The following PDE7B variants were observed in gnomAD, a reference collection of about 807,000 sequenced individuals.
PDE7B encodes the protein 3',5'-cyclic-AMP phosphodiesterase 7B.
In PDE7B, 29 loss-of-function variants were observed where a neutral mutation model predicts 56.2. The ratio of observed to expected loss-of-function variants is 0.52; its 90% CI spans 0.38 to 0.70. The LOEUF (loss-of-function observed/expected upper bound fraction) is 0.70, where lower values mean the gene tolerates loss of function less well. Ranked by LOEUF, PDE7B falls within the 30% of genes least tolerant of loss-of-function variation. The pLI, the probability that PDE7B is intolerant of heterozygous loss-of-function variation, is 0.00. For synonymous variants in PDE7B, 197 were observed against 196.9 expected, an observed-to-expected ratio of 1.00 and a Z score of 0.00; for missense variants, 490 against 565.0, an observed-to-expected ratio of 0.87 and a Z score of 1.35.
chr6:136,089,915 A>C (rs148425272), intron 2 of PDE7B, among the ~76,000 whole-genome samples: 90 of 152,156 alleles, frequency 5.9e-4, no homozygotes, highest in Middle Eastern at 3.4e-3. Context: ...ATTTTGTAGG[A>C]GCTACCATAT....
chr6:136,130,966 TC>T (rs1485965342), intron 3 of PDE7B, among the ~76,000 whole-genome samples: 1 of 152,076 alleles, frequency 6.6e-6, no homozygotes, highest in African/African-American at 2.4e-5. Flanking sequence ...TTCAATTATC[TC>T]CCACCGGGTC....
At chr6:135,932,979 C>T (rs1194912556) in intron 1 of PDE7B, among the ~76,000 whole-genome samples, 1 of 152,156 alleles carries the variant, frequency 6.6e-6, no homozygotes, top group Admixed American at 6.5e-5. Flanking sequence ...GTATGCACTC[C>T]CTGTGTTCTG....
chr6:135,967,006 A>G (rs1775006862), intron 2 of PDE7B, among the ~76,000 whole-genome samples: 1 of 152,146 alleles, frequency 6.6e-6, no homozygotes, highest in Admixed American at 6.6e-5. Flanking sequence ...CAAGAGAATG[A>G]AACAGGACTG....
At chr6:136,128,053 A>C (rs1213380035) in intron 3 of PDE7B, among the ~76,000 whole-genome samples, 3 of 152,224 alleles carry the variant, frequency 2.0e-5, no homozygotes, top group Non-Finnish European at 4.4e-5. Context: ...TCAAGAGGGC[A>C]GACTGCCACT....
intron 1 of PDE7B, among the ~76,000 whole-genome samples, chr6:135,863,643 G>A (rs1438199916): frequency 6.6e-6 from 1 of 150,848 alleles, no homozygotes; most frequent in Non-Finnish European, 1.5e-5. Context: ...TAGAACTGTT[G>A]TAACTTCCTG....
At chr6:136,085,287 T>G (rs1777273679) in intron 2 of PDE7B, among the ~76,000 whole-genome samples, 1 of 152,196 alleles carries the variant, frequency 6.6e-6, no homozygotes, top group Non-Finnish European at 1.5e-5. Flanking sequence ...CTACCAATGT[T>G]TCCTGCCGAA....
intron 2 of PDE7B, among the ~76,000 whole-genome samples, chr6:135,952,922 C>G (rs1270576046): frequency 6.6e-6 from 1 of 152,096 alleles, no homozygotes; most frequent in Non-Finnish European, 1.5e-5. Context: ...TATAGCATAT[C>G]AGAGAATACT....
rs74810399 is a variant in PDE7B, at chr6:135,940,710, A to G, written c.22-6754A>G. On this transcript the variant is annotated intron_variant, in intron 1 of 12. Transcript: ENST00000308191. ...CCAGATGTTTGGAAATGTCATCTCA[A>G]TGTCAGGTTTCGCCCTTCATCAGCC... Among the ~76,000 whole-genome samples the G allele has an allele frequency of 8.1e-3, 1,228 of 152,300 alleles. 11 individuals carry two copies. The highest frequency in any genetic ancestry group is 0.028 in the African/African-American group (1,162 of 41,578).
chr6:135,876,872 A>AG (rs1251750648), intron 1 of PDE7B, among the ~76,000 whole-genome samples: 1 of 151,046 alleles, frequency 6.6e-6, no homozygotes, highest in Non-Finnish European at 1.5e-5. Context: ...AAAAAAAAAA[A>AG]TTCCCATCCA....
At chr6:135,947,665 C>T (rs925143811) in intron 2 of PDE7B, 141 bp downstream of exon 2, 2 of 645,102 alleles carry the variant, frequency 3.1e-6, no homozygotes, top group Non-Finnish European at 5.6e-6. Context: ...AGCTATAACA[C>T]ATTTATATGT....
In PDE7B at chr6:136,179,161, C is replaced by A; in HGVS notation, c.948+20C>A. On this transcript the variant is annotated intron_variant, in intron 10 of 12. Transcript: ENST00000308191. ...CTTCAGGTAAACGAAACAATAAAAG[C>A]CATTCTTTTTGCTGAGTGAAAACAC... The A allele has an allele frequency of 6.2e-7, 1 of 1,611,234 alleles. No homozygotes were observed. The highest frequency in any genetic ancestry group is 8.5e-7 in the Non-Finnish European group (1 of 1,177,782).
chr6:135,982,841 TCA>T (rs1000472056), intron 2 of PDE7B, among the ~76,000 whole-genome samples: 2 of 152,134 alleles, frequency 1.3e-5, no homozygotes, highest in African/African-American at 4.8e-5. Context: ...TCACACCCTG[TCA>T]CAGAGTGAGG....
rs1562444880 is a variant in PDE7B at position 135,934,779 on chromosome 6, AT to A, written c.22-12683del. On this transcript the variant is annotated intron_variant, in intron 1 of 12. Coordinates refer to ENST00000308191, the MANE Select transcript of PDE7B (RefSeq NM_018945.4). ...ATTTTTTAAATATATATATATATTTATTATATATATATTTTAAATATATATA... is the reference window on the plus strand; with the variant it reads ...ATTTTTTAAATATATATATATATTTATATATATATATTTTAAATATATATA... Among the ~76,000 whole-genome samples the A allele has an allele frequency of 3.2e-4, 38 of 118,440 alleles. 1 individual carries two copies. The highest frequency in any genetic ancestry group is 1.2e-3 in the African/African-American group (36 of 30,418). 77.7% of individuals were successfully genotyped at this position (118,440 alleles called of 152,430 possible). A position where few individuals can be genotyped will look rare whatever the true frequency, so the allele number is the denominator to read the frequency against.
chr6:136,051,509 G>C (rs536867118), intron 2 of PDE7B, among the ~76,000 whole-genome samples: 5 of 152,294 alleles, frequency 3.3e-5, no homozygotes, highest in African/African-American at 1.2e-4. Context: ...CTGAAATTGT[G>C]AATTATGGAT....
At chr6:136,090,875 T>A (rs1392911464) in intron 2 of PDE7B, among the ~76,000 whole-genome samples, 1 of 152,188 alleles carries the variant, frequency 6.6e-6, no homozygotes, top group East Asian at 1.9e-4. Context: ...TCATACTCTA[T>A]CAATCACTAC....
chr6:135,875,867 T>A (rs2128187621), intron 1 of PDE7B, among the ~76,000 whole-genome samples: 1 of 152,256 alleles, frequency 6.6e-6, no homozygotes, highest in Non-Finnish European at 1.5e-5. Context: ...CAAAAATTCT[T>A]TTGTGAGGCT....
intron 1 of PDE7B, among the ~76,000 whole-genome samples, chr6:135,898,270 A>G (rs967436779): frequency 7.2e-5 from 11 of 152,222 alleles, no homozygotes; most frequent in Non-Finnish European, 1.5e-4. Context: ...TGTAAACCCC[A>G]GAAGAAATTT....
At chr6:136,097,652 A>G (rs1478769443) in intron 2 of PDE7B, among the ~76,000 whole-genome samples, 2 of 152,128 alleles carry the variant, frequency 1.3e-5, no homozygotes, top group Non-Finnish European at 2.9e-5. Context: ...TGACTTTCTA[A>G]TTCTCTCAGG....
chr6:136,189,090 ACTG>A (rs1350977717), intron 12 of PDE7B, among the ~76,000 whole-genome samples: 1 of 152,104 alleles, frequency 6.6e-6, no homozygotes, highest in Non-Finnish European at 1.5e-5. Flanking sequence ...TTCCTCTCTG[ACTG>A]AAATGTTCCC....
Sources: allele counts gnomAD v4.1 joint callset (sites outside exome capture counted in the v4.1 genomes callset), GRCh38; gene constraint gnomAD v4.1.1; transcripts MANE v1.5; gene names NCBI Gene and HGNC (gene_info 2026-07-23, HGNC 2026-07-21).